The following ARHGAP42 variants were observed in gnomAD, a reference collection of about 807,000 sequenced individuals.
ARHGAP42 encodes the protein Rho GTPase activating protein 42.
Under a neutral mutation model 125.0 loss-of-function variants are expected in ARHGAP42, and 63 were observed. The ratio of observed to expected loss-of-function variants is 0.50; its 90% CI spans 0.41 to 0.62. The LOEUF (loss-of-function observed/expected upper bound fraction) is 0.62. ARHGAP42 is among the 20% of genes least tolerant of loss of function. The pLI is 0.00. For synonymous variants in ARHGAP42, 339 were observed against 351.0 expected (o/e 0.97, Z 0.38); for missense variants, 766 against 1,024.2 (o/e 0.75, Z 3.44).
chr11:100,729,995 G>C (rs967740354), intron 1 of ARHGAP42, among the ~76,000 whole-genome samples: 1 of 151,944 alleles, frequency 6.6e-6, no homozygotes, highest in Non-Finnish European at 1.5e-5. Context: ...ATTTTTAGTA[G>C]AGACGAGGTT....
Position 100,990,483 on chromosome 11 carries a change from G to C in ARHGAP42, c.*1682G>C, listed in dbSNP as rs1346636428. 1 of 152,146 alleles carries C rather than the reference G, an allele frequency of 6.6e-6. No individual in the cohort carries two copies. The highest frequency in any genetic ancestry group is 1.5e-5 in the Non-Finnish European group (1 of 68,016). 9.4% of individuals were successfully genotyped at this position (152,146 alleles called of 1,614,324 possible). A position where few individuals can be genotyped will look rare whatever the true frequency, so the allele number is the denominator to read the frequency against. ...GAGAGAATAACGGTAGGCAGAGTCA[G>C]AATCAGGAATAAATATCAGTGAATC... On this transcript the variant is annotated 3_prime_UTR_variant, in exon 24 of 24. Transcript: ENST00000298815.
chr11:100,939,294 G>C (rs1867815646), intron 8 of ARHGAP42, among the ~76,000 whole-genome samples: 1 of 151,918 alleles, frequency 6.6e-6, no homozygotes, highest in Non-Finnish European at 1.5e-5. Context: ...ATGTCATAAT[G>C]ATATTGCAAG....
At chr11:100,823,760 A>G (rs1864452181) in intron 3 of ARHGAP42, among the ~76,000 whole-genome samples, 1 of 152,230 alleles carries the variant, frequency 6.6e-6, no homozygotes, top group African/African-American at 2.4e-5. Context: ...CTGTCAGAGA[A>G]TATTAGGTTA....
chr11:100,774,977 GAGCAGGTCAGGACTGAAGTTCCA>G (rs921882283), intron 2 of ARHGAP42, among the ~76,000 whole-genome samples: 2 of 152,168 alleles, frequency 1.3e-5, no homozygotes, highest in African/African-American at 4.8e-5. Context: ...GTGGCTCAGA[GAGCAGGTCAGGACTGAAGTTCCA>G]AGCAGGGCAG....
chr11:100,778,944 AC>A (rs2135004354), intron 2 of ARHGAP42, among the ~76,000 whole-genome samples: 1 of 152,276 alleles, frequency 6.6e-6, no homozygotes, highest in South Asian at 2.1e-4. Flanking sequence ...CAGAGGGCTC[AC>A]TTGCTTATCA....
chr11:100,701,537 A>G (rs550861138), intron 1 of ARHGAP42, among the ~76,000 whole-genome samples: 1 of 152,362 alleles, frequency 6.6e-6, no homozygotes, highest in Non-Finnish European at 1.5e-5. Context: ...CAGCGTCTAC[A>G]TTAGCACTTG....
chr11:100,986,247 G>T (rs1858676109), intron 22 of ARHGAP42: 3 of 356,098 alleles, frequency 8.4e-6, no homozygotes, highest in Admixed American at 3.8e-5. Context: ...TTCAGAGAAG[G>T]CCTGACCTTC....
chr11:100,737,720 G>T (rs1409151152), intron 1 of ARHGAP42, among the ~76,000 whole-genome samples: 1 of 152,208 alleles, frequency 6.6e-6, no homozygotes, highest in Non-Finnish European at 1.5e-5. Context: ...TTTGTTGAAT[G>T]AATGAACTCT....
At chr11:100,744,951 C>T (rs999271297) in intron 1 of ARHGAP42, among the ~76,000 whole-genome samples, 6 of 152,144 alleles carry the variant, frequency 3.9e-5, no homozygotes, top group Non-Finnish European at 5.9e-5. Context: ...ACGTGGCCCC[C>T]GCTGCTGTGT....
intron 3 of ARHGAP42, among the ~76,000 whole-genome samples, chr11:100,852,247 C>A (rs1044312404): frequency 6.6e-6 from 1 of 152,092 alleles, no homozygotes; most frequent in African/African-American, 2.4e-5. Flanking sequence ...AAACTTTTAG[C>A]AATCTGCTAT....
At chr11:100,911,308 G>A (rs1011277985) in intron 4 of ARHGAP42, among the ~76,000 whole-genome samples, 3 of 152,052 alleles carry the variant, frequency 2.0e-5, no homozygotes, top group Non-Finnish European at 4.4e-5. Flanking sequence ...TATTCATTAG[G>A]TATTCCATTT....
intron 1 of ARHGAP42, among the ~76,000 whole-genome samples, chr11:100,750,505 A>G (rs1353301343): frequency 2.4e-5 from 3 of 125,882 alleles, no homozygotes; most frequent in Non-Finnish European, 1.6e-5. Context: ...GTCAGGGTGG[A>G]GCACCTGGAC....
chr11:100,976,267 G>A lies in ARHGAP42; in HGVS notation c.2066G>A (p.Arg689Lys). 6.4e-7 allele frequency: 1 copy of A among 1,551,724 alleles called. No individual in the cohort carries two copies. Among genetic ancestry groups the A allele is most frequent in the Non-Finnish European group, 8.7e-7 (1 of 1,146,944 alleles). ...ACAACTAGTCCTGAATCAAGTTCCA[G>A]AGAAGATGCAACCAAGACAGATGCA... ...LWTTSPESSS[R>K]EDATKTDAES... The change falls in exon 20 of 24, where the codon AGA becomes AAA. Residue 689 changes from arginine to lysine, a missense_variant. By Grantham distance (26) the Arg-to-Lys change is conservative. Around this residue, in one of 3 missense-constraint regions of ARHGAP42, gnomAD observed 308 missense variants for 369.7 expected, o/e 0.83. Coordinates refer to ENST00000298815, the MANE Select transcript of ARHGAP42 (RefSeq NM_152432.4).
At chr11:100,870,226 T>C (rs536578760) in intron 4 of ARHGAP42, among the ~76,000 whole-genome samples, 5 of 152,316 alleles carry the variant, frequency 3.3e-5, no homozygotes, top group East Asian at 1.9e-4. Flanking sequence ...GAAATCTCAA[T>C]TGACTGAAGA....
chr11:100,903,706 C>CAAAAAAAAAAAAAAAAA (rs749877720), intron 4 of ARHGAP42, among the ~76,000 whole-genome samples: 3 of 32,542 alleles, frequency 9.2e-5, no homozygotes, highest in African/African-American at 1.1e-4. Context: ...ACATGTCCCT[C>CAAAAAAAAAAAAAAAAA]AAAATATATA....
intron 19 of ARHGAP42, among the ~76,000 whole-genome samples, chr11:100,975,517 GA>G (rs1412151065): frequency 6.6e-6 from 1 of 152,092 alleles, no homozygotes; most frequent in East Asian, 1.9e-4. Context: ...AGCAGGAAAG[GA>G]AAAAAGCCTT....
At chr11:100,726,719 C>A (rs1861868330) in intron 1 of ARHGAP42, among the ~76,000 whole-genome samples, 1 of 152,162 alleles carries the variant, frequency 6.6e-6, no homozygotes. Context: ...CTAGGGAAGC[C>A]TTGTATAATT....
At chr11:100,763,687 C>T (rs1591161358) in intron 1 of ARHGAP42, among the ~76,000 whole-genome samples, 1 of 151,318 alleles carries the variant, frequency 6.6e-6, no homozygotes, top group African/African-American at 2.4e-5. Flanking sequence ...ATGGGGTTTC[C>T]CCATGTTGGC....
intron 17 of ARHGAP42, among the ~76,000 whole-genome samples, chr11:100,969,411 A>C (rs764087484): frequency 2.0e-4 from 30 of 152,100 alleles, no homozygotes; most frequent in Non-Finnish European, 3.7e-4. Flanking sequence ...TTAAATTTGG[A>C]AAATTTTCAG....
Sources: allele counts gnomAD v4.1 joint callset (sites outside exome capture counted in the v4.1 genomes callset), GRCh38; gene constraint gnomAD v4.1.1; regional missense constraint gnomAD v4.1.1; transcripts MANE v1.5; gene names NCBI Gene and HGNC (gene_info 2026-07-23, HGNC 2026-07-21).